GRAMD1B: variants seen among roughly 807,000 people sequenced by gnomAD.
The protein encoded by GRAMD1B is protein Aster-B.
GRAMD1B carries 37 observed loss-of-function variants against 99.7 expected under a neutral mutation model. The observed-to-expected ratio is 0.37, with a 90% CI of 0.29 to 0.49. The LOEUF (loss-of-function observed/expected upper bound fraction) is 0.49. GRAMD1B is among the 20% of genes least tolerant of loss of function. The pLI is 0.98. For missense variants in GRAMD1B, 888 were observed against 1,009.2 expected, an observed-to-expected ratio of 0.88 and a Z score of 1.63; for synonymous variants, 427 against 387.6, an observed-to-expected ratio of 1.10 and a Z score of -1.19.
intron 2 of GRAMD1B, among the ~76,000 whole-genome samples, chr11:123,503,208 G>C (rs572727298): frequency 6.6e-6 from 1 of 152,210 alleles, no homozygotes; most frequent in Admixed American, 6.5e-5. Flanking sequence ...AGGGCAGGGC[G>C]TGGCAGCCTT....
chr11:123,497,166 A>G (rs1488593650), intron 2 of GRAMD1B, among the ~76,000 whole-genome samples: 1 of 152,138 alleles, frequency 6.6e-6, no homozygotes, highest in Non-Finnish European at 1.5e-5. Context: ...GTTCTTGTCT[A>G]CTCATGGAGG....
At chr11:123,551,000 C>G (rs1259814187) in intron 2 of GRAMD1B, among the ~76,000 whole-genome samples, 1 of 152,192 alleles carries the variant, frequency 6.6e-6, no homozygotes, top group African/African-American at 2.4e-5. Flanking sequence ...GACTTGGAGA[C>G]AGATTTGCCT....
intron 2 of GRAMD1B, among the ~76,000 whole-genome samples, chr11:123,567,230 A>G (rs1294581568): frequency 6.6e-6 from 1 of 152,166 alleles, no homozygotes; most frequent in Non-Finnish European, 1.5e-5. Context: ...AAAATGAGGG[A>G]GGAAATGGTG....
At chr11:123,506,470 G>A (rs115173479) in intron 2 of GRAMD1B, among the ~76,000 whole-genome samples, 2,131 of 151,842 alleles carry the variant, frequency 0.014, 46 homozygotes, top group African/African-American at 0.048. Context: ...TAATACCCAG[G>A]GTAAAGCAAT....
chr11:123,600,326 A>T, intron 7 of GRAMD1B, 142 bp from the exon 8 acceptor site: 1 of 577,998 alleles, frequency 1.7e-6, no homozygotes, highest in South Asian at 2.1e-5. Context: ...ACTAAAGCGG[A>T]TGTACGTGAT....
At chr11:123,546,251 G>A (rs191588721) in intron 2 of GRAMD1B, among the ~76,000 whole-genome samples, 6 of 152,294 alleles carry the variant, frequency 3.9e-5, no homozygotes, top group Middle Eastern at 3.4e-3. Flanking sequence ...GTGGGGGATC[G>A]GGGTGGGTGT....
At chr11:123,497,804 G>A (rs1260112614) in intron 2 of GRAMD1B, among the ~76,000 whole-genome samples, 2 of 151,532 alleles carry the variant, frequency 1.3e-5, no homozygotes, top group Non-Finnish European at 2.9e-5. Context: ...AGGAGGCTGA[G>A]GCAGGAGAAT....
intron 1 of GRAMD1B, among the ~76,000 whole-genome samples, chr11:123,463,307 C>T (rs1323552105): frequency 6.6e-6 from 1 of 152,198 alleles, no homozygotes; most frequent in Non-Finnish European, 1.5e-5. Flanking sequence ...GCCACCGTGC[C>T]CAGCCTATTT....
chr11:123,575,826 G>A (rs1592085337), intron 2 of GRAMD1B, among the ~76,000 whole-genome samples: 1 of 152,164 alleles, frequency 6.6e-6, no homozygotes, highest in Non-Finnish European at 1.5e-5. Flanking sequence ...AACGGGAAGA[G>A]CCTCTTTTGA....
At chr11:123,477,559 A>C (rs1005609427) in intron 1 of GRAMD1B, among the ~76,000 whole-genome samples, 4 of 148,126 alleles carry the variant, frequency 2.7e-5, no homozygotes, top group Non-Finnish European at 6.0e-5. Context: ...GGGTTTCCAA[A>C]AGACAGTTTT....
intron 19 of GRAMD1B, chr11:123,619,491 CTTTTTA>C (rs1954857064): frequency 8.0e-7 from 1 of 1,247,012 alleles, no homozygotes. Context: ...AAGGAGAACT[CTTTTTA>C]TTTTTATTTT....
intron 1 of GRAMD1B, among the ~76,000 whole-genome samples, chr11:123,408,080 A>G (rs572172587): frequency 6.6e-6 from 1 of 152,322 alleles, no homozygotes; most frequent in South Asian, 2.1e-4. Context: ...AGCCTTTAGC[A>G]TTGTAGCTAA....
intron 2 of GRAMD1B, among the ~76,000 whole-genome samples, chr11:123,499,386 G>GTTATCTGTCT (rs1939624428): frequency 6.6e-6 from 1 of 152,286 alleles, no homozygotes; most frequent in East Asian, 1.9e-4. Context: ...ACCAGTCTGT[G>GTTATCTGTCT]GTATTCTGTT....
chr11:123,436,643 C>G (rs567661373), intron 1 of GRAMD1B, among the ~76,000 whole-genome samples: 1 of 152,274 alleles, frequency 6.6e-6, no homozygotes, highest in East Asian at 1.9e-4. Context: ...TTCTGCTGTT[C>G]CGTGTAGTGG....
At chr11:123,467,850 C>CCTT (rs1237459405) in intron 1 of GRAMD1B, among the ~76,000 whole-genome samples, 2 of 124,790 alleles carry the variant, frequency 1.6e-5, no homozygotes, top group Non-Finnish European at 3.3e-5. Context: ...TCCCTTCCTT[C>CCTT]CTTCCTTCCT....
intron 2 of GRAMD1B, among the ~76,000 whole-genome samples, chr11:123,494,133 T>C (rs1411584036): frequency 1.3e-5 from 2 of 152,230 alleles, no homozygotes; most frequent in African/African-American, 4.8e-5. Flanking sequence ...GCACAGTGCC[T>C]GGCACATAAT....
intron 3 of GRAMD1B, among the ~76,000 whole-genome samples, chr11:123,583,493 T>C (rs970989784): frequency 9.2e-5 from 14 of 152,160 alleles, no homozygotes; most frequent in African/African-American, 3.1e-4. Flanking sequence ...AGCTTGTCTA[T>C]CTGCGTGTCC....
At chr11:123,617,083 C>A (rs1954515421) in intron 17 of GRAMD1B, among the ~76,000 whole-genome samples, 1 of 152,138 alleles carries the variant, frequency 6.6e-6, no homozygotes, top group African/African-American at 2.4e-5. Context: ...CAGGCATAAG[C>A]TTTGAAAAGC....
intron 1 of GRAMD1B, among the ~76,000 whole-genome samples, chr11:123,378,551 T>C (rs566206004): frequency 4.3e-4 from 66 of 152,332 alleles, no homozygotes; most frequent in Non-Finnish European, 7.5e-4. Context: ...GTCTGGAATG[T>C]ATGGGGAAAT....
Sources: gnomAD v4.1 joint callset for allele counts (sites outside exome capture counted in the v4.1 genomes callset) on GRCh38, gnomAD v4.1.1 for gene constraint, MANE v1.5 for transcripts, NCBI Gene and HGNC (gene_info 2026-07-23, HGNC 2026-07-21) for gene names.